EXOC4: variants seen among roughly 807,000 people sequenced by gnomAD.
The protein encoded by EXOC4 is exocyst complex component 4.
A neutral mutation model predicts 107.2 loss-of-function variants in EXOC4; 71 were observed. The ratio of observed to expected loss-of-function variants is 0.66; its 90% confidence interval spans 0.55 to 0.81. The LOEUF (loss-of-function observed/expected upper bound fraction) is 0.81. EXOC4 is among the 30% of genes least tolerant of loss of function. EXOC4 has a pLI of 0.00. For missense variants in EXOC4, 1,108 were observed against 1,189.6 expected, an observed-to-expected ratio of 0.93 and a Z score of 1.01; for synonymous variants, 456 against 441.2, an observed-to-expected ratio of 1.03 and a Z score of -0.42.
At chr7:134,003,632 C>T (rs754658191) in intron 15 of EXOC4, among the ~76,000 whole-genome samples, 7 of 152,068 alleles carry the variant, frequency 4.6e-5, no homozygotes, top group Non-Finnish European at 5.9e-5. Context: ...CTCCGGTGAA[C>T]CTTCCATGCA....
At chr7:133,505,937 T>C (rs1376173304) in intron 9 of EXOC4, among the ~76,000 whole-genome samples, 1 of 152,168 alleles carries the variant, frequency 6.6e-6, no homozygotes, top group East Asian at 1.9e-4. Context: ...GTGCAGGCAG[T>C]GTCCATCAGC....
At chr7:134,083,451 C>T in the EXOC4 span, among the ~76,000 whole-genome samples, 6 of 152,188 alleles carry the variant, frequency 3.9e-5, no homozygotes, top group Admixed American at 3.9e-4. Context: ...CTCATGATAC[C>T]ATGGGTCAGG....
At chr7:133,358,769 T>C (rs776363746) in intron 6 of EXOC4, among the ~76,000 whole-genome samples, 4 of 106,726 alleles carry the variant, frequency 3.7e-5, no homozygotes, top group Admixed American at 1.2e-4. Context: ...GTGTCTTTCA[T>C]AGGAGTTTCA....
intron 13 of EXOC4, among the ~76,000 whole-genome samples, chr7:133,920,983 G>A (rs181342720): frequency 6.6e-6 from 1 of 152,192 alleles, no homozygotes; most frequent in Non-Finnish European, 1.5e-5. Flanking sequence ...CTAATAGGAT[G>A]GAGGGAGGGA....
At chr7:133,641,754 A>G (rs1585049045) in intron 10 of EXOC4, among the ~76,000 whole-genome samples, 2 of 152,270 alleles carry the variant, frequency 1.3e-5, no homozygotes, top group Admixed American at 1.3e-4. Flanking sequence ...CATCTTCTCA[A>G]TGTAAGAGTG....
At position 133,819,277 on chromosome 7, in the gene EXOC4, C is replaced by CTTTT. The variant is rs59308684; in HGVS notation, c.1734+1743_1734+1746dup. Among the ~76,000 whole-genome samples the CTTTT allele has an allele frequency of 8.5e-4, 122 of 142,768 alleles. 3 individuals carry two copies. The highest frequency in any genetic ancestry group is 2.9e-3 in the African/African-American group (110 of 38,184). The allele number at this position is 142,768 out of a possible 152,430, so 93.7% of individuals were successfully genotyped here. A position where few individuals can be genotyped will look rare whatever the true frequency, so the allele number is the denominator to read the frequency against. On this transcript the variant is annotated intron_variant, in intron 11 of 17. Coordinates refer to ENST00000253861, the MANE Select transcript of EXOC4 (RefSeq NM_021807.4). ...TTATTTGAATTATCTAAATGGAATA[C>CTTTT]TTTTTTTTTTTTTGTCAAGATCCCA...
rs138578350 is a variant in EXOC4, at chr7:133,992,604, G to A, written c.2207-4888G>A. On this transcript the variant is annotated intron_variant, in intron 14 of 17. Transcript: ENST00000253861. Reference sequence around the variant, plus strand: ...GGCCTGATTTTTGTATGTGGATTTTGTATCCTGCAACTGTACTAAATTCAT... The same window carrying A: ...GGCCTGATTTTTGTATGTGGATTTTATATCCTGCAACTGTACTAAATTCAT... Among the ~76,000 whole-genome samples the A allele has an allele frequency of 1.4e-4, 22 of 151,812 alleles. 1 individual carries two copies. The highest frequency in any genetic ancestry group is 3.9e-4 in the African/African-American group (16 of 41,380).
intron 10 of EXOC4, among the ~76,000 whole-genome samples, chr7:133,751,985 A>ATAAATAAG (rs1250035512): frequency 6.7e-6 from 1 of 150,146 alleles, no homozygotes; most frequent in Non-Finnish European, 1.5e-5. Flanking sequence ...TCTCTACCAA[A>ATAAATAAG]TAAATAAATA....
intron 14 of EXOC4, among the ~76,000 whole-genome samples, chr7:133,996,635 T>G: frequency 1.3e-5 from 2 of 150,560 alleles, no homozygotes; most frequent in South Asian, 2.1e-4. Flanking sequence ...TGAAGTGGAA[T>G]ACAGCACACT....
chr7:133,765,187 G>T (rs2151156305), intron 10 of EXOC4, among the ~76,000 whole-genome samples: 1 of 152,038 alleles, frequency 6.6e-6, no homozygotes, highest in South Asian at 2.1e-4. Context: ...ATTCCTTAGG[G>T]AGGGTTTACA....
At chr7:133,678,227 C>G (rs1794108228) in intron 10 of EXOC4, among the ~76,000 whole-genome samples, 1 of 152,134 alleles carries the variant, frequency 6.6e-6, no homozygotes, top group African/African-American at 2.4e-5. Context: ...CTGCTTTATT[C>G]CACATACTAC....
At chr7:134,045,892 G>C (rs919391634) in intron 17 of EXOC4, among the ~76,000 whole-genome samples, 2 of 152,040 alleles carry the variant, frequency 1.3e-5, no homozygotes, top group Non-Finnish European at 2.9e-5. Flanking sequence ...TTTGCGGCTA[G>C]CTTGTTTCAA....
At chr7:133,658,176 A>G (rs1263799009) in intron 10 of EXOC4, among the ~76,000 whole-genome samples, 3 of 152,158 alleles carry the variant, frequency 2.0e-5, no homozygotes, top group Non-Finnish European at 4.4e-5. Flanking sequence ...AGGCGGTAAG[A>G]AAAGAGAGAG....
intron 10 of EXOC4, among the ~76,000 whole-genome samples, chr7:133,801,531 G>T (rs1286174212): frequency 1.3e-5 from 2 of 152,152 alleles, no homozygotes; most frequent in Non-Finnish European, 2.9e-5. Context: ...CACAGGGATG[G>T]ATCCTGTGGG....
chr7:133,743,438 G>A (rs1795609819), intron 10 of EXOC4, among the ~76,000 whole-genome samples: 2 of 152,190 alleles, frequency 1.3e-5, no homozygotes, highest in Non-Finnish European at 2.9e-5. Flanking sequence ...AATAGATGTT[G>A]ATTTAAATGT....
chr7:133,970,654 C>G (rs1801198641), intron 14 of EXOC4, among the ~76,000 whole-genome samples: 1 of 152,140 alleles, frequency 6.6e-6, no homozygotes, highest in Non-Finnish European at 1.5e-5. Flanking sequence ...CCTGCTTCTG[C>G]TCACCCTCCG....
intron 11 of EXOC4, among the ~76,000 whole-genome samples, chr7:133,864,779 G>A (rs1046467079): frequency 1.3e-5 from 2 of 152,158 alleles, no homozygotes; most frequent in Admixed American, 6.5e-5. Context: ...TTAATGGTAA[G>A]AAGTGAAAAA....
chr7:133,739,050 A>G (rs1795506031), intron 10 of EXOC4, among the ~76,000 whole-genome samples: 1 of 152,182 alleles, frequency 6.6e-6, no homozygotes, highest in East Asian at 1.9e-4. Flanking sequence ...AATGTAAATT[A>G]TTTGTTGTGG....
intron 11 of EXOC4, among the ~76,000 whole-genome samples, chr7:133,879,148 G>C (rs185582382): frequency 4.1e-4 from 62 of 152,146 alleles, no homozygotes; most frequent in African/African-American, 1.2e-3. Context: ...CTGTCGCCAG[G>C]CTTGAGTATT....
Sources: gnomAD v4.1 joint callset for allele counts (sites outside exome capture counted in the v4.1 genomes callset) on GRCh38, gnomAD v4.1.1 for gene constraint, MANE v1.5 for transcripts, NCBI Gene and HGNC (gene_info 2026-07-23, HGNC 2026-07-21) for gene names.